Variants in ANGPT2 observed in about 807,000 individuals in gnomAD.
ANGPT2 encodes the protein angiopoietin-2.
A neutral mutation model predicts 62.9 loss-of-function variants in ANGPT2; 28 were observed. The observed-to-expected ratio is 0.44, with a 90% CI of 0.33 to 0.61. The LOEUF (loss-of-function observed/expected upper bound fraction) is 0.61. Among genes scored for constraint, ANGPT2 ranks in the 20% least tolerant of loss-of-function variants. The probability of loss-of-function intolerance (pLI) is 0.03; values close to 1 mark genes in which losing one functional copy is unlikely to be tolerated. For synonymous variants in ANGPT2, 284 were observed against 207.8 expected (o/e 1.37, Z -3.15); for missense variants, 727 against 594.9 (o/e 1.22, Z -2.31).
chr8:6,503,400 T>C, intron 8 of ANGPT2, 139 bp from the exon 9 acceptor site: 8 of 792,528 alleles, frequency 1.0e-5, no homozygotes, highest in Non-Finnish European at 1.6e-5. Context: ...GAGTATAGGA[T>C]GTGCACTGGC....
intron 7 of ANGPT2, among the ~76,000 whole-genome samples, chr8:6,513,140 G>A (rs1815513259): frequency 6.6e-6 from 1 of 152,156 alleles, no homozygotes; most frequent in East Asian, 1.9e-4. Flanking sequence ...AGGCTTTGAA[G>A]ATACACAGTA....
chr8:6,532,491 G>T lies in ANGPT2; in HGVS notation c.289-4C>A. The T allele has an allele frequency of 6.3e-7, 1 of 1,599,900 alleles. No homozygotes were observed. The highest frequency in any genetic ancestry group is 8.5e-7 in the Non-Finnish European group (1 of 1,174,182). ...TGTCCTGGATATAATTCTCAAGCTA[G>T]AAAAGAACAGTGTTAGAAGGCAGTC... On this transcript the variant is annotated splice_polypyrimidine_tract_variant and splice_region_variant and intron_variant, in intron 1 of 8. Coordinates refer to ENST00000629816, the MANE Select transcript of ANGPT2 (RefSeq NM_001118887.2).
chr8:6,513,010 A>G (rs991617432), intron 7 of ANGPT2, among the ~76,000 whole-genome samples: 8 of 152,236 alleles, frequency 5.3e-5, no homozygotes, highest in Non-Finnish European at 7.3e-5. Flanking sequence ...ATAAAACAGC[A>G]CAGTCACAAG....
rs192018638 is a variant in ANGPT2, at chr8:6,510,794, G to A, written c.1197-1732C>T. Among the ~76,000 whole-genome samples the A allele has an allele frequency of 2.1e-3, 316 of 152,328 alleles. 9 individuals carry two copies. In the South Asian group the frequency reaches 0.041, roughly 20 times the overall value. On this transcript the variant is annotated intron_variant, in intron 7 of 8. Transcript: ENST00000629816. ...GTAGGGCCATGTGATGTGGAGTTCTGTAAGTGTTGCTCCTAAGTGACTTCA... is the reference window on the plus strand; with the variant it reads ...GTAGGGCCATGTGATGTGGAGTTCTATAAGTGTTGCTCCTAAGTGACTTCA...
chr8:6,523,212 T>G (rs189805707), intron 3 of ANGPT2, among the ~76,000 whole-genome samples: 120 of 152,248 alleles, frequency 7.9e-4, no homozygotes, highest in Non-Finnish European at 2.2e-4. Flanking sequence ...TTAGCCAGGG[T>G]GGTCTCGATC....
In ANGPT2 at chr8:6,532,445, C is replaced by G. The variant is rs142110344; in HGVS notation, c.331G>C (p.Glu111Gln). The G allele has an allele frequency of 4.3e-6, 7 of 1,613,926 alleles. No homozygotes were observed. The highest frequency in any genetic ancestry group is 1.3e-5 in the African/African-American group (1 of 75,012). Residue 111 changes from glutamate (E) to glutamine (Q), a missense_variant, in exon 2 of 9, where the codon GAG becomes CAG. Coordinates refer to ENST00000629816, the MANE Select transcript of ANGPT2 (RefSeq NM_001118887.2). ...IQDNMKKEMV[E>Q]IQQNAVQNQT... ...TTCTGTACTGCATTCTGCTGTATCT[C>G]TACCATTTCTTTCTTCATGTTGTCC...
intron 3 of ANGPT2, among the ~76,000 whole-genome samples, chr8:6,525,252 G>A (rs894092882): frequency 4.6e-5 from 7 of 152,090 alleles, no homozygotes; most frequent in Admixed American, 1.3e-4. Context: ...CCCCCTGATC[G>A]TTGTAAATTA....
intron 2 of ANGPT2, among the ~76,000 whole-genome samples, chr8:6,531,502 G>A (rs371867816): frequency 9.9e-5 from 15 of 152,164 alleles, no homozygotes; most frequent in Middle Eastern, 6.8e-3. Context: ...ATGTTGGCCA[G>A]GCTGGTCTCG....
chr8:6,508,617 A>C, intron 8 of ANGPT2: 1 of 488,618 alleles, frequency 2.0e-6, no homozygotes, highest in Non-Finnish European at 3.5e-6. Context: ...AATGTAATTA[A>C]ACCATCTCTC....
chr8:6,519,873 T>C lies in ANGPT2; in HGVS notation c.918A>G (p.Glu306=). 6.2e-7 allele frequency: 1 copy of C among 1,613,968 alleles called. No homozygotes were observed. The highest frequency in any genetic ancestry group is 8.5e-7 in the Non-Finnish European group (1 of 1,179,886). The change falls in exon 5 of 9, where the codon GAA becomes GAG. Residue 306 remains glutamate, a synonymous_variant. Coordinates refer to ENST00000629816, the MANE Select transcript of ANGPT2 (RefSeq NM_001118887.2). ...IYTLTFPNST[E]EIKAYCDMEA... ...GAGACGAATACCTCACCTTGATCTC[T>C]TCTGTAGAATTAGGGAATGTTAACG...
In ANGPT2 at chr8:6,527,410, C is replaced by G. The variant is rs575366112; in HGVS notation, c.566+145G>C. The G allele has an allele frequency of 9.9e-5, 95 of 960,444 alleles. No homozygotes were observed. In the Middle Eastern group the frequency reaches 3.2e-3, roughly 32 times the overall value. 59.5% of individuals were successfully genotyped at this position (960,444 alleles called of 1,614,324 possible). A position where few individuals can be genotyped will look rare whatever the true frequency, so the allele number is the denominator to read the frequency against. On this transcript the variant is annotated intron_variant, in intron 3 of 8. Transcript: ENST00000629816. The stretch of plus-strand genomic sequence containing the variant: ...TGTGCAGGAATTTTCTCCAAGCCCT[C>G]TCCCTTCTCCTCCCTCATGAGGTTT...
rs1288910628 is a variant in ANGPT2, at chr8:6,506,357, C to G, written c.1327+2575G>C. Among the ~76,000 whole-genome samples, 3 of 152,138 alleles carry G rather than the reference C, an allele frequency of 2.0e-5. No individual in the cohort carries two copies. In the East Asian group the frequency reaches 5.8e-4, roughly 29 times the overall value. ...TTCACAGGCAAGACCACTCCACTTT[C>G]TCTCTTGGGCTGTTTTTCCTCTCCC... On this transcript the variant is annotated intron_variant, in intron 8 of 8. Transcript: ENST00000629816.
rs536198280 is a variant in ANGPT2, at chr8:6,542,914, A to G, written c.289-10427T>C. Among the ~76,000 whole-genome samples the G allele has an allele frequency of 2.0e-5, 3 of 152,344 alleles. No individual in the cohort carries two copies. The South Asian group carries it at 6.2e-4, about 32-fold the overall frequency. On this transcript the variant is annotated intron_variant, in intron 1 of 8. Transcript: ENST00000629816. ...ATTTTCTAAATTTAGATAATTTTCT[A>G]GAAGACATTTTCCAGGCAAACTAGT...
intron 2 of ANGPT2, among the ~76,000 whole-genome samples, chr8:6,531,892 G>C (rs921247112): frequency 6.6e-6 from 1 of 152,190 alleles, no homozygotes; most frequent in Non-Finnish European, 1.5e-5. Context: ...TAGCTGTTGA[G>C]ATTCAGGTTT....
intron 5 of ANGPT2, among the ~76,000 whole-genome samples, chr8:6,515,283 A>G (rs2916726): frequency 0.36 from 54,532 of 151,948 alleles, 9,978 homozygotes; most frequent in Middle Eastern, 0.49. Context: ...CTCCTGTTAC[A>G]TTCTCGTACT....
At chr8:6,527,056 G>T (rs911419850) in intron 3 of ANGPT2, among the ~76,000 whole-genome samples, 6 of 152,314 alleles carry the variant, frequency 3.9e-5, no homozygotes, top group Non-Finnish European at 8.8e-5. Context: ...ACCATTCTGC[G>T]TTGAGTGAAG....
At chr8:6,508,896 G>T (rs769783570) in intron 8 of ANGPT2, 36 bp downstream of exon 8, 5 of 1,613,494 alleles carry the variant, frequency 3.1e-6, no homozygotes, top group Non-Finnish European at 4.2e-6. Context: ...ATCATTCCTT[G>T]CCAATACAAA....
chr8:6,541,208 G>C (rs1208514295), intron 1 of ANGPT2, among the ~76,000 whole-genome samples: 1 of 152,214 alleles, frequency 6.6e-6, no homozygotes, highest in African/African-American at 2.4e-5. Context: ...AGCAGCACCA[G>C]AGGGTTTCCC....
intron 1 of ANGPT2, among the ~76,000 whole-genome samples, chr8:6,548,575 C>T (rs1823028281): frequency 6.6e-6 from 1 of 152,146 alleles, no homozygotes. Context: ...GCAAGGCAGG[C>T]TGATGAGCCA....
Sources: gnomAD v4.1 joint callset for allele counts (sites outside exome capture counted in the v4.1 genomes callset) on GRCh38, gnomAD v4.1.1 for gene constraint, MANE v1.5 for transcripts, NCBI Gene and HGNC (gene_info 2026-07-23, HGNC 2026-07-21) for gene names.